Variants in TAF4B observed in about 807,000 individuals in gnomAD.
TAF4B encodes TATA-box binding protein associated factor 4b.
TAF4B carries 38 observed loss-of-function variants against 86.4 expected under a neutral mutation model. That is an observed-to-expected ratio of 0.44 (90% CI 0.34 to 0.58). TAF4B has a LOEUF of 0.58. Among genes scored for constraint, TAF4B ranks in the 20% least tolerant of loss-of-function variants. TAF4B has a pLI of 0.02. For missense variants in TAF4B, 988 were observed against 1,027.6 expected, an observed-to-expected ratio of 0.96 and a Z score of 0.53; for synonymous variants, 388 against 391.2, an observed-to-expected ratio of 0.99 and a Z score of 0.10.
At chr18:26,318,419 C>A (rs1157301958) in intron 10 of TAF4B, among the ~76,000 whole-genome samples, 1 of 151,526 alleles carries the variant, frequency 6.6e-6, no homozygotes, top group African/African-American at 2.4e-5. Flanking sequence ...GGAATGCTTT[C>A]CATTTATAAT....
intron 3 of TAF4B, among the ~76,000 whole-genome samples, chr18:26,273,039 C>G (rs2056340842): frequency 6.6e-6 from 1 of 152,056 alleles, no homozygotes; most frequent in Non-Finnish European, 1.5e-5. Context: ...GTTTACTTTT[C>G]TTTTATTATC....
intron 9 of TAF4B, among the ~76,000 whole-genome samples, chr18:26,302,951 A>C (rs2056752731): frequency 6.6e-6 from 1 of 152,264 alleles, no homozygotes; most frequent in African/African-American, 2.4e-5. Flanking sequence ...TTCCAATAGC[A>C]TACAGTTTAA....
intron 1 of TAF4B, chr18:26,255,921 G>A: frequency 8.0e-7 from 1 of 1,249,020 alleles, no homozygotes; most frequent in African/African-American, 1.5e-5. Context: ...AGCCATCTCT[G>A]TATCTGAGCC....
At chr18:26,244,291 C>G (rs989683477) in intron 1 of TAF4B, among the ~76,000 whole-genome samples, 13 of 152,384 alleles carry the variant, frequency 8.5e-5, no homozygotes, top group African/African-American at 2.2e-4. Flanking sequence ...CCCTCTCCCC[C>G]AGCCTCACTG....
intron 13 of TAF4B, among the ~76,000 whole-genome samples, chr18:26,350,603 G>C (rs1444378501): frequency 2.0e-5 from 3 of 152,164 alleles, no homozygotes; most frequent in African/African-American, 7.2e-5. Flanking sequence ...TTGAGCCCAG[G>C]AGATTGAGGC....
chr18:26,239,962 C>G lies in TAF4B; in HGVS notation c.343+12686C>G, dbSNP rs2055812000. Among the ~76,000 whole-genome samples, 5 of 152,112 alleles carry G rather than the reference C, an allele frequency of 3.3e-5. 1 individual carries two copies. The South Asian group carries it at 1.0e-3, about 32-fold the overall frequency. ...ATTGGTCTATATCTCTGTTTTGGTA[C>G]CAGTACCATGCTGTTTTGGTTACTA... On this transcript the variant is annotated intron_variant, in intron 1 of 14. Coordinates refer to ENST00000269142, the MANE Select transcript of TAF4B (RefSeq NM_005640.3).
intron 1 of TAF4B, among the ~76,000 whole-genome samples, chr18:26,250,548 C>T (rs112134390): frequency 4.0e-5 from 6 of 151,756 alleles, no homozygotes; most frequent in Non-Finnish European, 5.9e-5. Flanking sequence ...TTCACCATTT[C>T]GCCCAGGCTG....
At chr18:26,320,694 C>T (rs1263148175) in intron 10 of TAF4B, among the ~76,000 whole-genome samples, 6 of 152,042 alleles carry the variant, frequency 3.9e-5, no homozygotes, top group Non-Finnish European at 7.4e-5. Context: ...TCAAACAGGG[C>T]AAAATGTAAT....
intron 1 of TAF4B, among the ~76,000 whole-genome samples, chr18:26,231,952 G>C (rs911336597): frequency 1.3e-5 from 2 of 152,048 alleles, no homozygotes; most frequent in Non-Finnish European, 2.9e-5. Flanking sequence ...ACTTTTTTCA[G>C]TTCTCCCTGT....
chr18:26,374,602 G>A (rs559859589), intron 14 of TAF4B, among the ~76,000 whole-genome samples: 10 of 152,308 alleles, frequency 6.6e-5, no homozygotes, highest in African/African-American at 2.4e-4. Flanking sequence ...ACAAACCAAC[G>A]TTTATGGGAA....
intron 14 of TAF4B, among the ~76,000 whole-genome samples, chr18:26,374,723 C>A (rs199707177): frequency 6.6e-6 from 1 of 152,006 alleles, no homozygotes; most frequent in Non-Finnish European, 1.5e-5. Flanking sequence ...TCCACAATAC[C>A]GAGTTTACAT....
chr18:26,336,790 TC>T (rs1176712747), intron 13 of TAF4B, among the ~76,000 whole-genome samples: 1 of 152,208 alleles, frequency 6.6e-6, no homozygotes, highest in Non-Finnish European at 1.5e-5. Context: ...CTAATTGCAT[TC>T]CCTTTTTGGA....
intron 11 of TAF4B, among the ~76,000 whole-genome samples, chr18:26,325,499 GT>G (rs1415307466): frequency 1.3e-5 from 2 of 152,166 alleles, no homozygotes; most frequent in Non-Finnish European, 2.9e-5. Flanking sequence ...GCACTCATTT[GT>G]TTAGTGATAC....
In TAF4B at chr18:26,232,649, C is replaced by T. The variant is rs144604926; in HGVS notation, c.343+5373C>T. On this transcript the variant is annotated intron_variant, in intron 1 of 14. Coordinates refer to ENST00000269142, the MANE Select transcript of TAF4B (RefSeq NM_005640.3). ...TTCCTATAAACACCTGGTGGCATCTCGTACTATCCCTGACTGGTTAGTATA... is the reference window on the plus strand; with the variant it reads ...TTCCTATAAACACCTGGTGGCATCTTGTACTATCCCTGACTGGTTAGTATA... Among the ~76,000 whole-genome samples, 12 of 152,250 alleles carry T rather than the reference C, an allele frequency of 7.9e-5. No individual in the cohort carries two copies. The East Asian group carries it at 1.2e-3, about 15-fold the overall frequency.
At chr18:26,368,155 T>C (rs1047388873) in intron 14 of TAF4B, among the ~76,000 whole-genome samples, 1 of 152,012 alleles carries the variant, frequency 6.6e-6, no homozygotes, top group Non-Finnish European at 1.5e-5. Flanking sequence ...TTAGGGATAG[T>C]TTTTTTTATA....
chr18:26,365,651 T>TCG (rs1225643782), intron 14 of TAF4B, among the ~76,000 whole-genome samples: 1 of 152,208 alleles, frequency 6.6e-6, no homozygotes, highest in East Asian at 1.9e-4. Flanking sequence ...GTGGACTTAA[T>TCG]TATTTTCTAC....
rs189168365 is a variant in TAF4B at position 26,292,376 on chromosome 18, C to T, written c.1721C>T (p.Pro574Leu). The change falls in exon 8 of 15, where the codon CCT (proline) becomes CTT (leucine). Residue 574 changes from proline to leucine, a missense_variant. Physicochemically the swap from Pro to Leu is moderately conservative, Grantham distance 98. Coordinates refer to ENST00000269142, the MANE Select transcript of TAF4B (RefSeq NM_005640.3). ...VNTIIPTSQFPPASILKQITL... is the reference protein window; with the variant it reads ...VNTIIPTSQFLPASILKQITL... ...ACCATAATACCTACTAGTCAGTTTC[C>T]TCCAGGTAGATGCTGGTCCATCTCA... 23 of 1,612,244 alleles carry T rather than the reference C, an allele frequency of 1.4e-5. No individual in the cohort carries two copies. The Admixed American group carries it at 2.5e-4, about 18-fold the overall frequency.
At chr18:26,363,564 AAGGAGAGAG>A (rs1343187789) in intron 14 of TAF4B, among the ~76,000 whole-genome samples, 1 of 151,800 alleles carries the variant, frequency 6.6e-6, no homozygotes, top group African/African-American at 2.4e-5. Context: ...TAAAAGAAAA[AAGGAGAGAG>A]AGGAGAGAGC....
At chr18:26,388,346 C>T (rs1034085262) in intron 14 of TAF4B, among the ~76,000 whole-genome samples, 2 of 152,146 alleles carry the variant, frequency 1.3e-5, no homozygotes, top group East Asian at 1.9e-4. Flanking sequence ...TTTAAAATGA[C>T]ATTTAGAATT....
Sources: gnomAD v4.1 joint callset for allele counts (sites outside exome capture counted in the v4.1 genomes callset) on GRCh38, gnomAD v4.1.1 for gene constraint, MANE v1.5 for transcripts, NCBI Gene and HGNC (gene_info 2026-07-23, HGNC 2026-07-21) for gene names.